The following CHRM3 variants were observed in gnomAD, a reference collection of about 807,000 sequenced individuals.
CHRM3 encodes the protein muscarinic acetylcholine receptor M3.
A neutral mutation model predicts 41.8 loss-of-function variants in CHRM3; 11 were observed. The observed-to-expected ratio is 0.26, with a 90% CI of 0.17 to 0.44. The LOEUF is 0.44. Among genes scored for constraint, CHRM3 ranks in the 20% least tolerant of loss-of-function variants. The probability of loss-of-function intolerance (pLI) is 1.00; values close to 1 mark genes in which losing one functional copy is unlikely to be tolerated. For synonymous variants in CHRM3, 297 were observed against 301.4 expected, an observed-to-expected ratio of 0.99 and a Z score of 0.15; for missense variants, 571 against 745.4, an observed-to-expected ratio of 0.77 and a Z score of 2.72.
chr1:239,555,649 C>A (rs1394417463), intron 3 of CHRM3, among the ~76,000 whole-genome samples: 1 of 152,194 alleles, frequency 6.6e-6, no homozygotes, highest in Non-Finnish European at 1.5e-5. Context: ...TGTGCATTAA[C>A]TGCCCCTTAA....
rs1558104497 is a variant in CHRM3 at position 239,768,948 on chromosome 1, A to G, written c.-146-58304A>G. 1.3e-5 allele frequency among the ~76,000 whole-genome samples: 2 copies of G among 152,220 alleles called. 1 individual carries two copies. Among genetic ancestry groups the G allele is most frequent in the East Asian group, 3.9e-4 (2 of 5,174 alleles). On this transcript the variant is annotated intron_variant, in intron 5 of 6. Transcript: ENST00000676153. Reference sequence around the variant, plus strand: ...CCCAACTAATTTTTGTATTTTTAGTAAAGACAGATTTTCACCACGTTGCCC... The same window carrying G: ...CCCAACTAATTTTTGTATTTTTAGTGAAGACAGATTTTCACCACGTTGCCC...
chr1:239,854,855 A>T (rs1674976578), intron 6 of CHRM3, among the ~76,000 whole-genome samples: 1 of 152,192 alleles, frequency 6.6e-6, no homozygotes, highest in Non-Finnish European at 1.5e-5. Context: ...ATTCAAAAGA[A>T]TTCAGATAAG....
chr1:239,774,881 G>C (rs909244175), intron 5 of CHRM3, among the ~76,000 whole-genome samples: 2 of 152,170 alleles, frequency 1.3e-5, no homozygotes, highest in African/African-American at 4.8e-5. Context: ...GGAAAAATTT[G>C]AGGGAAGGGG....
chr1:239,644,367 C>T (rs1671543986), intron 4 of CHRM3, among the ~76,000 whole-genome samples: 1 of 145,030 alleles, frequency 6.9e-6, no homozygotes, highest in Non-Finnish European at 1.5e-5. Flanking sequence ...CTGGCTCTGT[C>T]CTGTTCCCCC....
chr1:239,620,483 T>C (rs904423230), intron 3 of CHRM3, among the ~76,000 whole-genome samples: 26 of 151,954 alleles, frequency 1.7e-4, no homozygotes, highest in African/African-American at 6.3e-4. Flanking sequence ...GGTAGGTAGA[T>C]AGATAAGAGA....
chr1:239,569,527 TG>T (rs1661648506), intron 3 of CHRM3, among the ~76,000 whole-genome samples: 1 of 152,222 alleles, frequency 6.6e-6, no homozygotes, highest in African/African-American at 2.4e-5. Flanking sequence ...AAGTTCGTTG[TG>T]TCAGTCAATT....
chr1:239,620,245 T>A (rs943871142), intron 3 of CHRM3, among the ~76,000 whole-genome samples: 28 of 152,230 alleles, frequency 1.8e-4, no homozygotes, highest in African/African-American at 6.8e-4. Flanking sequence ...GAATAATAGT[T>A]ACTGTTGTTT....
At chr1:239,669,842 ACCCATC>A (rs1237755909) in intron 4 of CHRM3, among the ~76,000 whole-genome samples, 7 of 152,116 alleles carry the variant, frequency 4.6e-5, no homozygotes, top group Admixed American at 3.3e-4. Flanking sequence ...AACCCACTAT[ACCCATC>A]TTGCAGCTTC....
intron 2 of CHRM3, among the ~76,000 whole-genome samples, chr1:239,523,196 C>T (rs548555421): frequency 8.5e-5 from 13 of 152,058 alleles, no homozygotes; most frequent in South Asian, 8.3e-4. Flanking sequence ...AGAATGTATA[C>T]GTATTATATT....
At chr1:239,560,722 C>G (rs1271316255) in intron 3 of CHRM3, among the ~76,000 whole-genome samples, 2 of 151,792 alleles carry the variant, frequency 1.3e-5, no homozygotes, top group African/African-American at 4.8e-5. Flanking sequence ...GCATGTAAAT[C>G]TTTGACTGTG....
chr1:239,834,747 G>A (rs113725495), intron 6 of CHRM3, among the ~76,000 whole-genome samples: 47 of 152,162 alleles, frequency 3.1e-4, no homozygotes, highest in African/African-American at 9.4e-4. Context: ...GGCTTACTGT[G>A]TATACGGCTG....
At chr1:239,882,463 C>A (rs1215357469) in intron 6 of CHRM3, among the ~76,000 whole-genome samples, 1 of 152,130 alleles carries the variant, frequency 6.6e-6, no homozygotes, top group Non-Finnish European at 1.5e-5. Context: ...ATTCTGAATA[C>A]TTTTAACGTC....
intron 5 of CHRM3, among the ~76,000 whole-genome samples, chr1:239,742,027 A>C (rs1011054901): frequency 2.0e-5 from 3 of 151,888 alleles, no homozygotes; most frequent in African/African-American, 7.3e-5. Context: ...GTGGTGACCA[A>C]AGCCTTTTCA....
chr1:239,849,368 G>A (rs939465738), intron 6 of CHRM3, among the ~76,000 whole-genome samples: 1 of 152,130 alleles, frequency 6.6e-6, no homozygotes, highest in Admixed American at 6.5e-5. Flanking sequence ...ATCTACAGAC[G>A]TTTCCCATTA....
intron 5 of CHRM3, among the ~76,000 whole-genome samples, chr1:239,685,639 A>T (rs1659059769): frequency 1.3e-5 from 2 of 152,106 alleles, no homozygotes; most frequent in African/African-American, 4.8e-5. Flanking sequence ...CCTGGCCAAC[A>T]TAGTGAAACC....
rs555011201 is a variant in CHRM3, at chr1:239,475,588, G to C, written c.-520-17121G>C. The stretch of plus-strand genomic sequence containing the variant: ...GGATGGGATCTTAGAATAGAAAAAG[G>C]CATGAATTTAAAACTAAAGAAATCT... On this transcript the variant is annotated intron_variant, in intron 1 of 6. Coordinates refer to ENST00000676153, the MANE Select transcript of CHRM3 (RefSeq NM_001375978.1). 5.6e-4 allele frequency among the ~76,000 whole-genome samples: 85 copies of C among 152,168 alleles called. No individual in the cohort carries two copies. The South Asian group carries it at 0.013, about 24-fold the overall frequency.
At chr1:239,697,300 C>T (rs1248875934) in intron 5 of CHRM3, among the ~76,000 whole-genome samples, 1 of 152,066 alleles carries the variant, frequency 6.6e-6, no homozygotes, top group Non-Finnish European at 1.5e-5. Flanking sequence ...GGCAAGTTTC[C>T]CCGCACAAGC....
At chr1:239,888,886 T>C (rs1678295478) in intron 6 of CHRM3, among the ~76,000 whole-genome samples, 1 of 152,138 alleles carries the variant, frequency 6.6e-6, no homozygotes, top group African/African-American at 2.4e-5. Context: ...TTACCCATGG[T>C]TTATGCAGAC....
At chr1:239,421,333 A>G (rs1032372829) in intron 1 of CHRM3, among the ~76,000 whole-genome samples, 1 of 152,100 alleles carries the variant, frequency 6.6e-6, no homozygotes, top group Non-Finnish European at 1.5e-5. Flanking sequence ...TACCCATTTT[A>G]TTTTTTGATT....
Sources: allele counts gnomAD v4.1 joint callset (sites outside exome capture counted in the v4.1 genomes callset), GRCh38; gene constraint gnomAD v4.1.1; transcripts MANE v1.5; gene names NCBI Gene and HGNC (gene_info 2026-07-23, HGNC 2026-07-21).